The following LCLAT1 variants were observed in gnomAD, a reference collection of about 807,000 sequenced individuals.
LCLAT1 encodes 1-AGP acyltransferase 8.
A neutral mutation model predicts 30.7 loss-of-function variants in LCLAT1; 11 were observed. That is an observed-to-expected ratio of 0.36 (90% CI 0.23 to 0.59). LCLAT1 has a LOEUF of 0.59. Ranked by LOEUF, LCLAT1 falls within the 20% of genes least tolerant of loss-of-function variation. LCLAT1 has a pLI of 0.77. For missense variants in LCLAT1, 402 were observed against 458.6 expected (o/e 0.88, Z 1.13); for synonymous variants, 155 against 151.3 (o/e 1.02, Z -0.18).
In LCLAT1 at chr2:30,499,318, T is replaced by G. The variant is rs1684255104; in HGVS notation, c.-4-26269T>G. Among the ~76,000 whole-genome samples, 3 of 152,146 alleles carry G rather than the reference T, an allele frequency of 2.0e-5. No individual in the cohort carries two copies. The South Asian group carries it at 6.2e-4, about 32-fold the overall frequency. On this transcript the variant is annotated intron_variant, in intron 1 of 5. Transcript: ENST00000379509. ...GCCTCAGCCTCCCGAGTAGCTGGGA[T>G]TACAGGTGCCCGCCATCACGCCCAG...
intron 1 of LCLAT1, among the ~76,000 whole-genome samples, chr2:30,448,496 T>G (rs1339309789): frequency 3.3e-5 from 5 of 152,384 alleles, no homozygotes; most frequent in African/African-American, 1.2e-4. Flanking sequence ...CTTGATTTTA[T>G]GGAGTAGTAC....
At chr2:30,457,720 A>T (rs1389564755) in intron 1 of LCLAT1, among the ~76,000 whole-genome samples, 1 of 152,188 alleles carries the variant, frequency 6.6e-6, no homozygotes, top group African/African-American at 2.4e-5. Flanking sequence ...TGCATGAGAG[A>T]CACAGTGCCA....
intron 5 of LCLAT1, among the ~76,000 whole-genome samples, chr2:30,585,980 G>GCA (rs1666416529): frequency 2.6e-5 from 4 of 151,922 alleles, no homozygotes; most frequent in African/African-American, 9.7e-5. Flanking sequence ...GGCCGGGCGT[G>GCA]GTGGCTCACG....
intron 1 of LCLAT1, among the ~76,000 whole-genome samples, chr2:30,516,005 A>G (rs951633225): frequency 5.9e-5 from 9 of 152,172 alleles, no homozygotes; most frequent in African/African-American, 2.2e-4. Flanking sequence ...TCCTAACCCT[A>G]GCTGGGGAAG....
At chr2:30,555,952 C>T (rs771658706) in intron 3 of LCLAT1, among the ~76,000 whole-genome samples, 1 of 151,444 alleles carries the variant, frequency 6.6e-6, no homozygotes, top group African/African-American at 2.4e-5. Flanking sequence ...ATTCTCCTGC[C>T]TCAGCCTCCG....
chr2:30,644,006 A>T lies in LCLAT1; in HGVS notation c.*3387A>T, dbSNP rs1010506477. On this transcript the variant is annotated 3_prime_UTR_variant, in exon 6 of 6. Transcript: ENST00000379509. ...TGCTACCTGATAAGCTTCAGATTAG[A>T]TATAGCCCTAAAGTTATCCTGTACC... 2.0e-5 allele frequency: 3 copies of T among 152,288 alleles called. No individual in the cohort carries two copies. The South Asian group carries it at 6.2e-4, about 32-fold the overall frequency. 9.4% of individuals were successfully genotyped at this position (152,288 alleles called of 1,614,324 possible).
Position 30,469,045 on chromosome 2 carries a change from A to G in LCLAT1, c.-5+21662A>G, listed in dbSNP as rs528214994. Among the ~76,000 whole-genome samples, 25 of 152,262 alleles carry G rather than the reference A, an allele frequency of 1.6e-4. No individual in the cohort carries two copies. In the Middle Eastern group the frequency reaches 0.01, roughly 62 times the overall value. On this transcript the variant is annotated intron_variant, in intron 1 of 5. Coordinates refer to ENST00000379509, the MANE Select transcript of LCLAT1 (RefSeq NM_001002257.3). ...TTTCTTATGCTTATCAACCATTTGT[A>G]TGTTTTCTTTGGAGAAATATCTATT... is the stretch of plus-strand genomic sequence containing the variant.
intron 1 of LCLAT1, among the ~76,000 whole-genome samples, chr2:30,493,382 T>TAAA (rs1178439032): frequency 6.6e-6 from 1 of 152,152 alleles, no homozygotes; most frequent in Non-Finnish European, 1.5e-5. Flanking sequence ...AGAATGTACA[T>TAAA]AAAAAACTGA....
intron 5 of LCLAT1, among the ~76,000 whole-genome samples, chr2:30,577,685 GACA>G (rs1666054218): frequency 6.6e-6 from 1 of 152,062 alleles, no homozygotes; most frequent in Admixed American, 6.6e-5. Context: ...TACACTAACA[GACA>G]GTAATCTACA....
intron 1 of LCLAT1, among the ~76,000 whole-genome samples, chr2:30,519,691 C>G (rs1399622500): frequency 1.3e-5 from 2 of 152,196 alleles, no homozygotes; most frequent in Non-Finnish European, 2.9e-5. Context: ...AGTCAATCAT[C>G]TATCACCTGA....
At chr2:30,587,410 T>C (rs1439536290) in intron 5 of LCLAT1, among the ~76,000 whole-genome samples, 1 of 152,234 alleles carries the variant, frequency 6.6e-6, no homozygotes, top group Non-Finnish European at 1.5e-5. Context: ...TTGGTAACTA[T>C]TTGTTATTGT....
chr2:30,635,118 G>A (rs1668959874), intron 5 of LCLAT1, among the ~76,000 whole-genome samples: 1 of 152,138 alleles, frequency 6.6e-6, no homozygotes, highest in East Asian at 1.9e-4. Context: ...TATCAAGACA[G>A]GCCAGAAGTG....
intron 5 of LCLAT1, among the ~76,000 whole-genome samples, chr2:30,587,624 C>T (rs989160944): frequency 6.6e-6 from 1 of 152,080 alleles, no homozygotes; most frequent in Non-Finnish European, 1.5e-5. Flanking sequence ...TTTGATTTTT[C>T]AAAGACAACA....
chr2:30,606,016 G>C, intron 5 of LCLAT1: 1 of 1,297,776 alleles, frequency 7.7e-7, no homozygotes, highest in South Asian at 1.3e-5. Context: ...TGTTGATCAG[G>C]CAGGAGGCAG....
In LCLAT1 at chr2:30,517,426, G is replaced by GCT. The variant is rs1685234410; in HGVS notation, c.-4-8157_-4-8156dup. 2.0e-5 allele frequency among the ~76,000 whole-genome samples: 3 copies of GCT among 152,134 alleles called. No individual in the cohort carries two copies. The South Asian group carries it at 6.2e-4, about 32-fold the overall frequency. On this transcript the variant is annotated intron_variant, in intron 1 of 5. Coordinates refer to ENST00000379509, the MANE Select transcript of LCLAT1 (RefSeq NM_001002257.3). ...AAATTTGTAAATGGCTAGGAGGATT[G>GCT]CTCTCCCATTGTGTAAGATGCTCTC... is the stretch of plus-strand genomic sequence containing the variant.
chr2:30,527,211 A>G (rs1294241610), intron 2 of LCLAT1, among the ~76,000 whole-genome samples: 1 of 152,184 alleles, frequency 6.6e-6, no homozygotes, highest in Non-Finnish European at 1.5e-5. Context: ...GACTGTTTTC[A>G]TGTCATTTAT....
intron 1 of LCLAT1, among the ~76,000 whole-genome samples, chr2:30,504,371 A>T (rs1256171434): frequency 6.6e-6 from 1 of 152,146 alleles, no homozygotes; most frequent in Non-Finnish European, 1.5e-5. Flanking sequence ...ACATGAGCTT[A>T]AACTTCAAAT....
chr2:30,634,360 T>C (rs1668918833), intron 5 of LCLAT1, among the ~76,000 whole-genome samples: 1 of 152,288 alleles, frequency 6.6e-6, no homozygotes, highest in South Asian at 2.1e-4. Flanking sequence ...GCGCGGCGGC[T>C]CACGCCTGTA....
intron 3 of LCLAT1, among the ~76,000 whole-genome samples, chr2:30,557,283 CGTGTGTGTGTGTGT>C (rs373793652): frequency 3.2e-4 from 45 of 138,648 alleles, no homozygotes; most frequent in African/African-American, 8.5e-4. Context: ...AAGGTATGAT[CGTGTGTGTGTGTGT>C]GTGTGTGTGT....
Sources: gnomAD v4.1 joint callset for allele counts (sites outside exome capture counted in the v4.1 genomes callset) on GRCh38, gnomAD v4.1.1 for gene constraint, MANE v1.5 for transcripts, NCBI Gene and HGNC (gene_info 2026-07-23, HGNC 2026-07-21) for gene names.